Variants in SCN1A observed in about 807,000 individuals in gnomAD.
SCN1A encodes sodium voltage-gated channel alpha subunit 1.
SCN1A carries 13 observed loss-of-function variants against 193.7 expected under a neutral mutation model. The ratio of observed to expected loss-of-function variants is 0.07; its 90% CI spans 0.04 to 0.11. SCN1A has a LOEUF of 0.11. SCN1A is among the 10% of genes least tolerant of loss of function. The probability of loss-of-function intolerance (pLI) is 1.00; values close to 1 mark genes in which losing one functional copy is unlikely to be tolerated. For synonymous variants in SCN1A, 781 were observed against 843.6 expected, an observed-to-expected ratio of 0.93 and a Z score of 1.29; for missense variants, 1,432 against 2,451.1, an observed-to-expected ratio of 0.58 and a Z score of 8.78.
Position 166,045,173 on chromosome 2 carries a change from C to G in SCN1A, c.1532G>C (p.Gly511Ala), listed in dbSNP as rs746618191. ...RKKRKQKEQS[G>A]GEEKDEDEFQ... The stretch of plus-strand genomic sequence containing the variant: ...TTCATCCTCATCTTTCTCTTCCCCA[C>G]CAGACTGCTCTTTCTGTTTTCTTTT... Residue 511 changes from glycine to alanine, a missense_variant, in exon 13 of 29, where the codon GGT (glycine) becomes GCT (alanine). This residue lies in a region of SCN1A where 316 missense variants were observed against 362.1 expected (regional missense o/e 0.87). Coordinates refer to ENST00000674923, the MANE Select transcript of SCN1A (RefSeq NM_001165963.4). 6 of 1,614,024 alleles carry G rather than the reference C, an allele frequency of 3.7e-6. No homozygotes were observed. Among genetic ancestry groups the G allele is most frequent in the Admixed American group, 1.7e-5 (1 of 60,006 alleles).
intron 2 of SCN1A, among the ~76,000 whole-genome samples, chr2:166,125,599 C>G (rs1220355612): frequency 6.6e-6 from 1 of 152,044 alleles, no homozygotes; most frequent in African/African-American, 2.4e-5. Context: ...CTGATAGTAC[C>G]CTCTATACAA....
At chr2:166,075,278 G>A (rs1684877090) in intron 3 of SCN1A, 1 of 151,760 alleles carries the variant, frequency 6.6e-6, no homozygotes, top group Non-Finnish European at 1.5e-5. Flanking sequence ...TTTTTACCTT[G>A]TTTCCCCAGG....
At chr2:166,100,171 A>G (rs1409625456) in intron 2 of SCN1A, among the ~76,000 whole-genome samples, 1 of 138,544 alleles carries the variant, frequency 7.2e-6, no homozygotes, top group African/African-American at 2.6e-5. Context: ...AGAGATATAG[A>G]TCAATGGAAC....
In SCN1A at chr2:166,046,853, C is replaced by A. The variant is rs1697892980; in HGVS notation, c.1294G>T (p.Ala432Ser). ...VAMAYEEQNQ[A>S]TLEEAEQKEA... Reference sequence around the variant, plus strand: ...TTCTGTTCTGCTTCTTCCAAGGTGGCCTGATTCTGTTCCTCGTAGGCCATG... The same window carrying A: ...TTCTGTTCTGCTTCTTCCAAGGTGGACTGATTCTGTTCCTCGTAGGCCATG... The change falls in exon 12 of 29, where the codon GCC (alanine) becomes TCC (serine). Residue 432 changes from alanine to serine, a missense_variant. Coordinates refer to ENST00000674923, the MANE Select transcript of SCN1A (RefSeq NM_001165963.4). 6.2e-7 allele frequency: 1 copy of A among 1,613,842 alleles called. No individual in the cohort carries two copies. The highest frequency in any genetic ancestry group is 2.2e-5 in the East Asian group (1 of 44,874).
chr2:165,991,911 G>A lies in SCN1A; in HGVS notation c.5364C>T (p.Asn1788=), dbSNP rs1381184010. The A allele has an allele frequency of 6.2e-7, 1 of 1,613,944 alleles. No individual in the cohort carries two copies. Among genetic ancestry groups the A allele is most frequent in the Admixed American group, 1.7e-5 (1 of 59,974 alleles). Residue 1788 remains asparagine (N), a synonymous_variant, in exon 29 of 29, where the codon AAC becomes AAT. Coordinates refer to ENST00000674923, the MANE Select transcript of SCN1A (RefSeq NM_001165963.4). ...VNMYIAVILE[N]FSVATEESAE... ...CACTTTCTTCAGTAGCAACACTGAA[G>A]TTCTCCAGGATGACCGCGATGTACA...
intron 8 of SCN1A, 21 bp downstream of exon 8, chr2:166,052,831 A>G (rs2105894626): frequency 6.3e-7 from 1 of 1,588,128 alleles, no homozygotes. Context: ...GGTCCGTCTC[A>G]TTATCTAACC....
chr2:166,086,847 G>A (rs959956587), intron 2 of SCN1A, among the ~76,000 whole-genome samples: 3 of 152,018 alleles, frequency 2.0e-5, no homozygotes, highest in Admixed American at 6.6e-5. Flanking sequence ...ATACAGTTTC[G>A]TCTTGTTTGA....
intron 11 of SCN1A, 35 bp from the exon 12 acceptor site, chr2:166,047,011 T>C: frequency 1.2e-6 from 2 of 1,607,608 alleles, no homozygotes; most frequent in Non-Finnish European, 1.7e-6. Context: ...TTTCTCAATA[T>C]TATTTCACTA....
chr2:166,129,861 T>C (rs1332008123), upstream of SCN1A, among the ~76,000 whole-genome samples: 2 of 152,116 alleles, frequency 1.3e-5, no homozygotes, highest in African/African-American at 2.4e-5. Context: ...CCCTGATCCT[T>C]AGTGGTAAAC....
chr2:166,118,224 G>T (rs1325322307), intron 2 of SCN1A, among the ~76,000 whole-genome samples: 1 of 139,712 alleles, frequency 7.2e-6, no homozygotes, highest in Non-Finnish European at 1.5e-5. Context: ...TCCACTTTTT[G>T]CTATTCCACA....
chr2:166,011,241 A>G (rs2105583976), intron 22 of SCN1A, among the ~76,000 whole-genome samples: 1 of 151,336 alleles, frequency 6.6e-6, no homozygotes, highest in East Asian at 1.9e-4. Context: ...ACTTTCCACA[A>G]GAAACCCTCA....
At chr2:166,027,398 T>C (rs577328027) in intron 19 of SCN1A, among the ~76,000 whole-genome samples, 2 of 152,288 alleles carry the variant, frequency 1.3e-5, no homozygotes, top group African/African-American at 4.8e-5. Flanking sequence ...CTTTTTTTCT[T>C]GTTCTCTGAC....
At chr2:166,087,686 A>C (rs1241850111) in intron 2 of SCN1A, among the ~76,000 whole-genome samples, 1 of 152,124 alleles carries the variant, frequency 6.6e-6, no homozygotes, top group Admixed American at 6.5e-5. Context: ...CCAGCCTCAG[A>C]TATTCTTTTA....
intron 2 of SCN1A, among the ~76,000 whole-genome samples, chr2:166,079,232 T>C (rs1316677628): frequency 6.6e-6 from 1 of 151,312 alleles, no homozygotes; most frequent in Non-Finnish European, 1.5e-5. Context: ...TTTTTATTTA[T>C]TGTGGTTTCT....
Position 166,013,838 on chromosome 2 carries a change from C to A in SCN1A, c.3611G>T (p.Trp1204Leu). 1 of 1,612,418 alleles carries A rather than the reference C, an allele frequency of 6.2e-7. No individual in the cohort carries two copies. The highest frequency in any genetic ancestry group is 8.5e-7 in the Non-Finnish European group (1 of 1,178,754). The change falls in exon 21 of 29, where the codon TGG (tryptophan) becomes TTG (leucine). Residue 1204 changes from tryptophan to leucine, a missense_variant. This residue lies in a region of SCN1A where 198 missense variants were observed against 225.8 expected (regional missense o/e 0.88). Transcript: ENST00000674923. ...GAAACACGTCCTTCTCAGGTTCCAC[C>A]ATTGTTTTCCTCTGCCTTCTTCCAC... ...INVEEGRGKQ[W>L]WNLRRTCFRI...
At chr2:166,101,363 G>A (rs1326321032) in intron 2 of SCN1A, among the ~76,000 whole-genome samples, 5 of 108,230 alleles carry the variant, frequency 4.6e-5, no homozygotes, top group Non-Finnish European at 9.0e-5. Flanking sequence ...CTGTGGTGGG[G>A]TGGGGGGAGG....
At chr2:166,004,442 T>C (rs1041913337) in intron 23 of SCN1A, among the ~76,000 whole-genome samples, 1 of 151,450 alleles carries the variant, frequency 6.6e-6, no homozygotes, top group Non-Finnish European at 1.5e-5. Flanking sequence ...CTTTGAAACG[T>C]TTCTCAGCTT....
intron 1 of SCN1A, among the ~76,000 whole-genome samples, chr2:166,134,599 TATGCAGAGTGTAGC>T (rs1285435650): frequency 3.3e-5 from 5 of 152,212 alleles, no homozygotes; most frequent in Admixed American, 2.0e-4. Flanking sequence ...GAGCTCTGGG[TATGCAGAGTGTAGC>T]ATTGACAGCT....
At chr2:166,103,557 T>A (rs1214674461) in intron 2 of SCN1A, among the ~76,000 whole-genome samples, 1 of 152,028 alleles carries the variant, frequency 6.6e-6, no homozygotes, top group Non-Finnish European at 1.5e-5. Context: ...GAGGATATAA[T>A]CACTTCTTTT....
Sources: allele counts gnomAD v4.1 joint callset (sites outside exome capture counted in the v4.1 genomes callset), GRCh38; gene constraint gnomAD v4.1.1; regional missense constraint gnomAD v4.1.1; transcripts MANE v1.5; gene names NCBI Gene and HGNC (gene_info 2026-07-23, HGNC 2026-07-21).